JAM3: variants seen among roughly 807,000 people sequenced by gnomAD.
JAM3 encodes the protein junctional adhesion molecule 3, also known as junctional adhesion molecule C.
A neutral mutation model predicts 39.4 loss-of-function variants in JAM3; 31 were observed. The ratio of observed to expected loss-of-function variants is 0.79; its 90% CI spans 0.59 to 1.06. JAM3 has a LOEUF of 1.06. Ranked by LOEUF, JAM3 falls within the 50% of genes least tolerant of loss-of-function variation. JAM3 has a pLI of 0.00. For missense variants in JAM3, 455 were observed against 391.4 expected, an observed-to-expected ratio of 1.16 and a Z score of -1.37; for synonymous variants, 182 against 148.7, an observed-to-expected ratio of 1.22 and a Z score of -1.63.
chr11:134,144,241 G>A lies in JAM3; in HGVS notation c.257G>A (p.Gly86Glu). 6 of 1,614,156 alleles carry A rather than the reference G, an allele frequency of 3.7e-6. No individual in the cohort carries two copies. Among genetic ancestry groups the A allele is most frequent in the Non-Finnish European group, 5.1e-6 (6 of 1,180,026 alleles). The change falls in exon 4 of 9, where the codon GGA becomes GAA. Residue 86 changes from glycine (G) to glutamate (E), a missense_variant and splice_region_variant. Gly to Glu is a moderately conservative substitution (Grantham distance 98). Coordinates refer to ENST00000299106, the MANE Select transcript of JAM3 (RefSeq NM_032801.5). ...TTAGTGCCTCGTGTCTTTTCTGTAG[G>A]AGACTTGGCGGGTCGTGCAGAAATA... is the stretch of plus-strand genomic sequence containing the variant. Reference protein sequence around the residue: ...TYVFFDNKIQGDLAGRAEILG... With the variant: ...TYVFFDNKIQEDLAGRAEILG...
chr11:134,149,260 C>T lies in JAM3; in HGVS notation c.*79C>T. On this transcript the variant is annotated 3_prime_UTR_variant, in exon 9 of 9. Transcript: ENST00000299106. Reference sequence around the variant, plus strand: ...GAAACTCCTGTCAAGGCAGCGAGAGCTGATGCACTCGGACAGAGCTAGACA... The same window carrying T: ...GAAACTCCTGTCAAGGCAGCGAGAGTTGATGCACTCGGACAGAGCTAGACA... The T allele has an allele frequency of 6.5e-7, 1 of 1,549,898 alleles. No homozygotes were observed. The highest frequency in any genetic ancestry group is 2.2e-5 in the East Asian group (1 of 44,478).
At position 134,139,753 on chromosome 11, in the gene JAM3, A is replaced by G. The variant is rs1942940419; in HGVS notation, c.77-98A>G. The G allele has an allele frequency of 2.1e-5, 19 of 905,696 alleles. No homozygotes were observed. The South Asian group carries it at 2.2e-4, about 11-fold the overall frequency. 56.1% of individuals were successfully genotyped at this position (905,696 alleles called of 1,614,324 possible). A position where few individuals can be genotyped will look rare whatever the true frequency, so the allele number is the denominator to read the frequency against. On this transcript the variant is annotated intron_variant, in intron 1 of 8. Transcript: ENST00000299106. ...ATTTTTCCATCCTCTGTGGTTAGTA[A>G]CCATAGCCTACGCAGACGGGAAAAC...
intron 1 of JAM3, among the ~76,000 whole-genome samples, chr11:134,077,015 A>T (rs1003420477): frequency 2.6e-5 from 4 of 151,838 alleles, no homozygotes; most frequent in African/African-American, 9.7e-5. Flanking sequence ...TTGTATTTTT[A>T]GTAGAGACAG....
chr11:134,146,444 A>G (rs1943073520), intron 6 of JAM3, among the ~76,000 whole-genome samples: 1 of 152,292 alleles, frequency 6.6e-6, no homozygotes, highest in Non-Finnish European at 1.5e-5. Context: ...CCTGCAGACA[A>G]AGCTTAGCCC....
intron 1 of JAM3, among the ~76,000 whole-genome samples, chr11:134,134,949 T>C (rs549210938): frequency 6.6e-6 from 1 of 152,312 alleles, no homozygotes; most frequent in African/African-American, 2.4e-5. Context: ...CCATTCTGTA[T>C]GTTGTCTTTT....
chr11:134,091,706 AC>A (rs1941859087), intron 1 of JAM3, among the ~76,000 whole-genome samples: 1 of 151,988 alleles, frequency 6.6e-6, no homozygotes, highest in African/African-American at 2.4e-5. Flanking sequence ...ACAAGTTATC[AC>A]TTAGAATTTA....
At chr11:134,071,748 C>T (rs976659009) in intron 1 of JAM3, among the ~76,000 whole-genome samples, 2 of 152,164 alleles carry the variant, frequency 1.3e-5, no homozygotes, top group South Asian at 2.1e-4. Context: ...ACTCCAGTAA[C>T]GTTTTTTAGA....
intron 1 of JAM3, among the ~76,000 whole-genome samples, chr11:134,086,640 G>C (rs1361296605): frequency 6.6e-6 from 1 of 152,062 alleles, no homozygotes; most frequent in African/African-American, 2.4e-5. Flanking sequence ...ACAAATCAGT[G>C]AGTTTACATA....
At position 134,080,506 on chromosome 11, in the gene JAM3, G is replaced by A. The variant is rs569903565; in HGVS notation, c.76+11347G>A. On this transcript the variant is annotated intron_variant, in intron 1 of 8. Transcript: ENST00000299106. ...TCTTTCCCATGCTGTTCTTGTGATC[G>A]TTAGTAAGTCTCTTGAGATCTGATC... Among the ~76,000 whole-genome samples, 18 of 152,234 alleles carry A rather than the reference G, an allele frequency of 1.2e-4. No homozygotes were observed. The South Asian group carries it at 3.5e-3, about 30-fold the overall frequency.
In JAM3 at chr11:134,140,781, G is replaced by A. The variant is rs917648464; in HGVS notation, c.256+11G>A. On this transcript the variant is annotated intron_variant, in intron 3 of 8. Transcript: ENST00000299106. ...ACAACAAAATTCAGGGTATGATCCTGTAGTCCTCTTGCCTGCTGACCTTTC... is the reference window on the plus strand; with the variant it reads ...ACAACAAAATTCAGGGTATGATCCTATAGTCCTCTTGCCTGCTGACCTTTC... The A allele has an allele frequency of 2.5e-6, 4 of 1,609,494 alleles. No homozygotes were observed. The highest frequency in any genetic ancestry group is 1.3e-5 in the African/African-American group (1 of 74,728).
At chr11:134,137,460 A>G (rs1300725603) in intron 1 of JAM3, among the ~76,000 whole-genome samples, 2 of 152,200 alleles carry the variant, frequency 1.3e-5, no homozygotes, top group African/African-American at 2.4e-5. Flanking sequence ...TTCTTAAGAG[A>G]AAAGATGTGA....
At chr11:134,086,403 G>C (rs1941746065) in intron 1 of JAM3, among the ~76,000 whole-genome samples, 1 of 126,002 alleles carries the variant, frequency 7.9e-6, no homozygotes, top group Non-Finnish European at 1.6e-5. Flanking sequence ...CGAGTATCCT[G>C]GATTTTTTTT....
At chr11:134,125,873 C>G (rs766813575) in intron 1 of JAM3, among the ~76,000 whole-genome samples, 2 of 152,192 alleles carry the variant, frequency 1.3e-5, no homozygotes, top group African/African-American at 4.8e-5. Flanking sequence ...GTTGACAGGC[C>G]TCTTCAGAAA....
chr11:134,144,680 C>T (rs1943038155), intron 4 of JAM3, 112 bp from the exon 5 acceptor site: 10 of 988,542 alleles, frequency 1.0e-5, no homozygotes, highest in African/African-American at 4.8e-5. Flanking sequence ...ACAGCAGTGG[C>T]GTGGGAACCC....
At chr11:134,125,668 A>C (rs1431035056) in intron 1 of JAM3, among the ~76,000 whole-genome samples, 1 of 152,162 alleles carries the variant, frequency 6.6e-6, no homozygotes, top group Non-Finnish European at 1.5e-5. Flanking sequence ...GGTGTTGAGA[A>C]CGTGCTGTGA....
At chr11:134,119,217 C>T (rs939435820) in intron 1 of JAM3, among the ~76,000 whole-genome samples, 8 of 151,984 alleles carry the variant, frequency 5.3e-5, no homozygotes, top group South Asian at 4.2e-4. Flanking sequence ...TGAGTCAGCA[C>T]GACTGGCAAG....
rs1424449700 is a variant in JAM3, at chr11:134,149,331, TCTTACTCTAA to T, written c.*152_*161del. ...TTTGGCCAAAGTTGACCACTACTCT[TCTTACTCTAA>T]CAAGCCACATGAATAGAAGAATTTT... is the stretch of plus-strand genomic sequence containing the variant. On this transcript the variant is annotated 3_prime_UTR_variant, in exon 9 of 9. Coordinates refer to ENST00000299106, the MANE Select transcript of JAM3 (RefSeq NM_032801.5). 1.2e-6 allele frequency: 1 copy of T among 821,258 alleles called. No homozygotes were observed. Among genetic ancestry groups the T allele is most frequent in the Non-Finnish European group, 2.0e-6 (1 of 496,984 alleles). 50.9% of individuals were successfully genotyped at this position (821,258 alleles called of 1,614,324 possible).
intron 1 of JAM3, among the ~76,000 whole-genome samples, chr11:134,106,306 G>A (rs1352066505): frequency 1.3e-5 from 2 of 152,032 alleles, no homozygotes; most frequent in Admixed American, 6.6e-5. Context: ...GTAGAAAGCT[G>A]AAACTGGATC....
chr11:134,125,524 G>T (rs1292405882), intron 1 of JAM3, among the ~76,000 whole-genome samples: 1 of 152,100 alleles, frequency 6.6e-6, no homozygotes, highest in African/African-American at 2.4e-5. Flanking sequence ...CAAGAAGTAG[G>T]GAGTAAGAGG....
Sources: allele counts gnomAD v4.1 joint callset (sites outside exome capture counted in the v4.1 genomes callset), GRCh38; gene constraint gnomAD v4.1.1; transcripts MANE v1.5; gene names NCBI Gene and HGNC (gene_info 2026-07-23, HGNC 2026-07-21).